Variants in ADAMTS14 observed in about 807,000 individuals in gnomAD.
ADAMTS14 encodes A disintegrin and metalloproteinase with thrombospondin motifs 14.
Under a neutral mutation model 128.6 loss-of-function variants are expected in ADAMTS14, and 100 were observed. The observed-to-expected ratio is 0.78, with a 90% confidence interval of 0.66 to 0.92. The LOEUF is 0.92. Ranked by LOEUF, ADAMTS14 falls within the 40% of genes least tolerant of loss-of-function variation. The probability of loss-of-function intolerance (pLI) is 0.00; values close to 1 mark genes in which losing one functional copy is unlikely to be tolerated. For synonymous variants in ADAMTS14, 665 were observed against 653.8 expected, an observed-to-expected ratio of 1.02 and a Z score of -0.26; for missense variants, 1,562 against 1,658.6, an observed-to-expected ratio of 0.94 and a Z score of 1.01.
At chr10:70,692,333 C>A (rs1434512372) in intron 2 of ADAMTS14, among the ~76,000 whole-genome samples, 1 of 152,152 alleles carries the variant, frequency 6.6e-6, no homozygotes, top group African/African-American at 2.4e-5. Context: ...GGCCATTTCC[C>A]ATGCCTTATT....
intron 8 of ADAMTS14, 30 bp from the exon 9 acceptor site, chr10:70,735,139 C>G: frequency 6.3e-7 from 1 of 1,598,786 alleles, no homozygotes. Flanking sequence ...TGCTGTCAGC[C>G]TGGCTCACCT....
chr10:70,733,804 G>A, intron 7 of ADAMTS14, 81 bp from the exon 8 acceptor site: 2 of 1,536,034 alleles, frequency 1.3e-6, no homozygotes, highest in South Asian at 2.5e-5. Context: ...AGGGTCTCCT[G>A]CTGCTGGCCT....
intron 7 of ADAMTS14, among the ~76,000 whole-genome samples, chr10:70,733,432 G>C (rs1013467285): frequency 6.6e-6 from 1 of 152,228 alleles, no homozygotes; most frequent in African/African-American, 2.4e-5. Flanking sequence ...AAGAAATGAG[G>C]TTGAGTTGAG....
At chr10:70,677,803 CCTGTGTCCCGTGACAGCAAGGGG>C (rs1230126047) in intron 2 of ADAMTS14, among the ~76,000 whole-genome samples, 1 of 152,182 alleles carries the variant, frequency 6.6e-6, no homozygotes, top group Non-Finnish European at 1.5e-5. Flanking sequence ...AGGAAATGGC[CCTGTGTCCCGTGACAGCAAGGGG>C]CTGTGTCCCA....
At chr10:70,730,637 G>A (rs968157274) in intron 6 of ADAMTS14, among the ~76,000 whole-genome samples, 1 of 152,174 alleles carries the variant, frequency 6.6e-6, no homozygotes, top group African/African-American at 2.4e-5. Flanking sequence ...CTGCAGAACA[G>A]GAAGTCTGTG....
intron 11 of ADAMTS14, among the ~76,000 whole-genome samples, chr10:70,739,646 C>T (rs1841935661): frequency 6.6e-6 from 1 of 152,102 alleles, no homozygotes; most frequent in African/African-American, 2.4e-5. Context: ...GCTTGGTTGG[C>T]TCTAGGAATG....
intron 2 of ADAMTS14, among the ~76,000 whole-genome samples, chr10:70,675,919 C>T (rs965310026): frequency 2.6e-5 from 4 of 152,238 alleles, no homozygotes; most frequent in East Asian, 3.9e-4. Context: ...GCTTTGAGAG[C>T]GAGAAAATTT....
chr10:70,672,913 C>A (rs758622549), intron 1 of ADAMTS14, 29 bp downstream of exon 1: 1 of 1,436,236 alleles, frequency 7.0e-7, no homozygotes, highest in South Asian at 1.5e-5. Context: ...CGCGGGGGCC[C>A]GTGGGGTCCG....
At chr10:70,678,899 T>C (rs1839721678) in intron 2 of ADAMTS14, among the ~76,000 whole-genome samples, 1 of 151,988 alleles carries the variant, frequency 6.6e-6, no homozygotes, top group South Asian at 2.1e-4. Flanking sequence ...GGCTCCCTCC[T>C]ACATTGTGGT....
chr10:70,745,851 A>C (rs1053410477), intron 15 of ADAMTS14, among the ~76,000 whole-genome samples: 7 of 151,864 alleles, frequency 4.6e-5, no homozygotes, highest in African/African-American at 1.7e-4. Context: ...CCTCGCTCAC[A>C]TGTCTGGTGG....
intron 15 of ADAMTS14, among the ~76,000 whole-genome samples, chr10:70,747,144 G>T (rs1589332891): frequency 6.6e-6 from 1 of 152,280 alleles, no homozygotes; most frequent in African/African-American, 2.4e-5. Flanking sequence ...ATTTCCTGGA[G>T]AATGCATCTG....
intron 2 of ADAMTS14, among the ~76,000 whole-genome samples, chr10:70,678,160 G>A (rs539685936): frequency 5.9e-5 from 9 of 152,304 alleles, no homozygotes; most frequent in South Asian, 2.1e-4. Flanking sequence ...AGTCATAGGC[G>A]GAGATACGAA....
intron 2 of ADAMTS14, among the ~76,000 whole-genome samples, chr10:70,696,511 G>A (rs547911873): frequency 1.3e-5 from 2 of 152,286 alleles, no homozygotes; most frequent in South Asian, 2.1e-4. Context: ...CTGTGTGCAC[G>A]CGTGGAGTAA....
At chr10:70,729,264 C>T in intron 4 of ADAMTS14, 30 bp from the exon 5 acceptor site, 4 of 1,590,210 alleles carry the variant, frequency 2.5e-6, no homozygotes, top group Non-Finnish European at 3.5e-6. Flanking sequence ...TGAATGTTTC[C>T]TTCCCTTAAA....
chr10:70,677,709 G>A (rs147444367), intron 2 of ADAMTS14, among the ~76,000 whole-genome samples: 26 of 152,306 alleles, frequency 1.7e-4, no homozygotes, highest in African/African-American at 5.8e-4. Context: ...GGCCCTGGGA[G>A]TGGTACTCCC....
At chr10:70,744,457 C>T (rs1842112630) in intron 14 of ADAMTS14, among the ~76,000 whole-genome samples, 1 of 152,214 alleles carries the variant, frequency 6.6e-6, no homozygotes, top group South Asian at 2.1e-4. Context: ...GTGATGGGAG[C>T]TCGGCCATCC....
At chr10:70,727,418 G>T (rs1184478615) in intron 4 of ADAMTS14, among the ~76,000 whole-genome samples, 1 of 152,252 alleles carries the variant, frequency 6.6e-6, no homozygotes, top group Non-Finnish European at 1.5e-5. Context: ...AGGGCATGGG[G>T]AGATGGAAGT....
intron 2 of ADAMTS14, among the ~76,000 whole-genome samples, chr10:70,694,799 G>A (rs1840286671): frequency 6.6e-6 from 1 of 152,136 alleles, no homozygotes; most frequent in Non-Finnish European, 1.5e-5. Context: ...ATGGGCATTT[G>A]GCTTGTTTCC....
rs575503783 is a variant in ADAMTS14, at chr10:70,738,881, C to A, written c.1639C>A (p.Gln547Lys). ...TCACTGCATCTGGAAGTCGCCGGAG[C>A]AGACATATGGCCAGGATGGAGGCTG... ...KGHCIWKSPE[Q>K]TYGQDGGWSS... The change falls in exon 11 of 22, where the codon CAG becomes AAG. Residue 547 changes from glutamine to lysine, a missense_variant. Physicochemically the swap from Gln to Lys is moderately conservative, Grantham distance 53 (BLOSUM62 1). Transcript: ENST00000373207. 4.6e-4 allele frequency: 745 copies of A among 1,614,118 alleles called. 7 individuals carry two copies. In the Admixed American group the frequency reaches 9.4e-3, roughly 20 times the overall value.
Sources: allele counts gnomAD v4.1 joint callset (sites outside exome capture counted in the v4.1 genomes callset), GRCh38; gene constraint gnomAD v4.1.1; transcripts MANE v1.5; gene names NCBI Gene and HGNC (gene_info 2026-07-23, HGNC 2026-07-21).